The following PAPPA2 variants were observed in gnomAD, a reference collection of about 807,000 sequenced individuals.
PAPPA2 encodes the protein pappalysin 2, also known as pappalysin-2.
PAPPA2 carries 86 observed loss-of-function variants against 176.4 expected under a neutral mutation model. The observed-to-expected ratio is 0.49, with a 90% confidence interval of 0.41 to 0.58. The LOEUF (loss-of-function observed/expected upper bound fraction) is 0.58. Among genes scored for constraint, PAPPA2 ranks in the 20% least tolerant of loss-of-function variants. PAPPA2 has a pLI of 0.00. For missense variants in PAPPA2, 2,073 were observed against 2,256.9 expected, an observed-to-expected ratio of 0.92 and a Z score of 1.65; for synonymous variants, 809 against 852.2, an observed-to-expected ratio of 0.95 and a Z score of 0.88.
At chr1:176,739,820 T>A in intron 13 of PAPPA2, 59 bp downstream of exon 13, 1 of 1,595,068 alleles carries the variant, frequency 6.3e-7, no homozygotes, top group Non-Finnish European at 8.6e-7. Flanking sequence ...GACCCAGAAG[T>A]CAGCTTGATG....
At chr1:176,820,845 A>G (rs1278853187) in intron 21 of PAPPA2, among the ~76,000 whole-genome samples, 1 of 152,204 alleles carries the variant, frequency 6.6e-6, no homozygotes, top group East Asian at 1.9e-4. Context: ...AGAAACCACA[A>G]CAACCCCCAA....
intron 4 of PAPPA2, among the ~76,000 whole-genome samples, chr1:176,674,317 C>G (rs1659168636): frequency 6.6e-6 from 1 of 152,016 alleles, no homozygotes; most frequent in African/African-American, 2.4e-5. Context: ...GTTACATGGA[C>G]AAATTTTTTA....
At chr1:176,678,218 A>G (rs761571862) in intron 4 of PAPPA2, among the ~76,000 whole-genome samples, 2 of 152,176 alleles carry the variant, frequency 1.3e-5, no homozygotes, top group Non-Finnish European at 2.9e-5. Flanking sequence ...AAGAGACTCA[A>G]AATACTCAGC....
chr1:176,595,709 C>A, intron 3 of PAPPA2, 114 bp downstream of exon 3: 1 of 1,014,496 alleles, frequency 9.9e-7, no homozygotes, highest in Non-Finnish European at 1.4e-6. Context: ...AGACATTAAT[C>A]CACCCCATCA....
chr1:176,777,211 A>G (rs1248611561), intron 17 of PAPPA2, among the ~76,000 whole-genome samples: 1 of 152,202 alleles, frequency 6.6e-6, no homozygotes, highest in Non-Finnish European at 1.5e-5. Context: ...TGGTAGATAC[A>G]TAACAATTTA....
chr1:176,602,808 T>C (rs1012537741), intron 3 of PAPPA2, among the ~76,000 whole-genome samples: 4 of 152,030 alleles, frequency 2.6e-5, no homozygotes, highest in African/African-American at 9.7e-5. Flanking sequence ...CAACTGGCAA[T>C]GGGAATAGAA....
At chr1:176,702,795 G>A (rs1660722403) in intron 9 of PAPPA2, 60 bp downstream of exon 9, 3 of 1,567,314 alleles carry the variant, frequency 1.9e-6, no homozygotes, top group Admixed American at 1.7e-5. Flanking sequence ...GAGAGAGAGA[G>A]AGAGAGAGGG....
chr1:176,480,485 T>A (rs1431552795), intron 1 of PAPPA2, among the ~76,000 whole-genome samples: 1 of 151,902 alleles, frequency 6.6e-6, no homozygotes, highest in Admixed American at 6.6e-5. Flanking sequence ...GAAAGGAGAA[T>A]GTAGAATTCC....
chr1:176,569,441 C>G (rs1449779447), intron 2 of PAPPA2, among the ~76,000 whole-genome samples: 1 of 152,218 alleles, frequency 6.6e-6, no homozygotes, highest in East Asian at 1.9e-4. Context: ...CTTGGCCTCT[C>G]TAAAGACTGA....
At chr1:176,475,734 T>G (rs1401664026) in intron 1 of PAPPA2, among the ~76,000 whole-genome samples, 1 of 152,188 alleles carries the variant, frequency 6.6e-6, no homozygotes, top group Non-Finnish European at 1.5e-5. Flanking sequence ...GATTAGCAAT[T>G]TTAGGGTGTT....
chr1:176,473,862 C>G (rs1651997574), intron 1 of PAPPA2, among the ~76,000 whole-genome samples: 1 of 152,122 alleles, frequency 6.6e-6, no homozygotes. Flanking sequence ...CAGTCTTTTG[C>G]CCATTTTCTA....
chr1:176,507,371 A>T (rs1023188437), intron 1 of PAPPA2, among the ~76,000 whole-genome samples: 1 of 152,214 alleles, frequency 6.6e-6, no homozygotes, highest in Non-Finnish European at 1.5e-5. Context: ...TGTGGAAAGC[A>T]GTTTGGAGAT....
intron 2 of PAPPA2, among the ~76,000 whole-genome samples, chr1:176,571,170 G>T (rs1025777439): frequency 1.3e-5 from 2 of 152,126 alleles, no homozygotes; most frequent in Non-Finnish European, 2.9e-5. Flanking sequence ...TCTCCAGAAT[G>T]AACCATGTTC....
At chr1:176,668,161 A>C (rs1478459697) in intron 3 of PAPPA2, among the ~76,000 whole-genome samples, 1 of 152,206 alleles carries the variant, frequency 6.6e-6, no homozygotes, top group African/African-American at 2.4e-5. Context: ...GAACAGCTTG[A>C]TATGTCAGCT....
intron 4 of PAPPA2, among the ~76,000 whole-genome samples, chr1:176,673,810 A>G (rs1023083418): frequency 6.6e-6 from 1 of 152,132 alleles, no homozygotes; most frequent in Admixed American, 6.6e-5. Flanking sequence ...TGAGTCCTGT[A>G]TATAACTTAG....
At chr1:176,605,477 C>G (rs561778548) in intron 3 of PAPPA2, among the ~76,000 whole-genome samples, 3 of 152,330 alleles carry the variant, frequency 2.0e-5, no homozygotes, top group African/African-American at 7.2e-5. Context: ...TTCATTCTCA[C>G]CATTCATGTC....
chr1:176,530,181 A>T (rs574555538), intron 1 of PAPPA2, among the ~76,000 whole-genome samples: 2 of 152,298 alleles, frequency 1.3e-5, no homozygotes, highest in Admixed American at 1.3e-4. Flanking sequence ...TCCCAGGGAG[A>T]CATGATTTTC....
At chr1:176,835,499 C>A (rs550749541) in intron 21 of PAPPA2, among the ~76,000 whole-genome samples, 1 of 152,078 alleles carries the variant, frequency 6.6e-6, no homozygotes, top group African/African-American at 2.4e-5. Flanking sequence ...CTCACAAGCA[C>A]TTGCCTTTCA....
At chr1:176,774,382 A>G (rs1664360733) in intron 17 of PAPPA2, among the ~76,000 whole-genome samples, 1 of 151,972 alleles carries the variant, frequency 6.6e-6, no homozygotes, top group African/African-American at 2.4e-5. Context: ...TACATCTCAA[A>G]CTCTTAACTA....
Sources: gnomAD v4.1 joint callset for allele counts (sites outside exome capture counted in the v4.1 genomes callset) on GRCh38, gnomAD v4.1.1 for gene constraint, MANE v1.5 for transcripts, NCBI Gene and HGNC (gene_info 2026-07-23, HGNC 2026-07-21) for gene names.